The following DLGAP2 variants were observed in gnomAD, a reference collection of about 807,000 sequenced individuals.
The protein encoded by DLGAP2 is disks large-associated protein 2.
A neutral mutation model predicts 100.3 loss-of-function variants in DLGAP2; 26 were observed. That is an observed-to-expected ratio of 0.26 (90% confidence interval 0.19 to 0.36). DLGAP2 has a LOEUF of 0.36. DLGAP2 is among the 10% of genes least tolerant of loss of function. The pLI is 1.00. For synonymous variants in DLGAP2, 886 were observed against 630.1 expected, an observed-to-expected ratio of 1.41 and a Z score of -6.08; for missense variants, 1,858 against 1,453.2, an observed-to-expected ratio of 1.28 and a Z score of -4.53.
rs1301790727 is a variant in DLGAP2, at chr8:1,420,603, T to A, written c.107-80763T>A. Among the ~76,000 whole-genome samples the A allele has an allele frequency of 5.9e-5, 9 of 152,252 alleles. No homozygotes were observed. The South Asian group carries it at 1.9e-3, about 31-fold the overall frequency. ...TATGATCTTCTATGTTGAGCATCAA[T>A]GTCAAAGCCTGTGGGTCAAGGTTTC... On this transcript the variant is annotated intron_variant, in intron 3 of 14. Coordinates refer to ENST00000637795, the MANE Select transcript of DLGAP2 (RefSeq NM_001346810.2).
At chr8:1,025,655 C>T (rs1801776553) in intron 2 of DLGAP2, among the ~76,000 whole-genome samples, 1 of 152,106 alleles carries the variant, frequency 6.6e-6, no homozygotes, top group African/African-American at 2.4e-5. Flanking sequence ...ACTTGCCCAC[C>T]CTCCCCTAGA....
At chr8:786,397 A>G (rs1821867969) in intron 1 of DLGAP2, among the ~76,000 whole-genome samples, 1 of 152,064 alleles carries the variant, frequency 6.6e-6, no homozygotes, top group Admixed American at 6.6e-5. Context: ...GACAGCCACC[A>G]TTTTCGTCGA....
intron 2 of DLGAP2, among the ~76,000 whole-genome samples, chr8:1,011,697 G>T (rs867745795): frequency 1.7e-5 from 2 of 115,360 alleles, no homozygotes; most frequent in Non-Finnish European, 3.7e-5. Context: ...GTGAGCCCTG[G>T]AATGAGGAGT....
intron 2 of DLGAP2, among the ~76,000 whole-genome samples, chr8:1,234,660 C>T (rs1049738535): frequency 1.3e-5 from 2 of 152,122 alleles, no homozygotes; most frequent in East Asian, 3.9e-4. Context: ...TGGAACAGAT[C>T]GAGAACGAGG....
intron 1 of DLGAP2, among the ~76,000 whole-genome samples, chr8:895,383 T>A (rs1798125064): frequency 1.3e-5 from 2 of 152,142 alleles, no homozygotes; most frequent in Admixed American, 6.5e-5. Context: ...ATCTGCAGCA[T>A]CCCCCGTGCT....
At chr8:1,671,732 C>T (rs765056770) in intron 10 of DLGAP2, among the ~76,000 whole-genome samples, 11 of 152,238 alleles carry the variant, frequency 7.2e-5, no homozygotes, top group Non-Finnish European at 1.5e-4. Context: ...CAGAAGCCAG[C>T]GGCAAGTCCC....
rs553479232 is a variant in DLGAP2, at chr8:1,298,912, G to A, written c.106+40029G>A. Reference sequence around the variant, plus strand: ...TGAGGCAGGAACGGGGGGAGAACCCGGGGGGAGAACCTCTTCCCAGGGCCA... The same window carrying A: ...TGAGGCAGGAACGGGGGGAGAACCCAGGGGGAGAACCTCTTCCCAGGGCCA... On this transcript the variant is annotated intron_variant, in intron 3 of 14. Transcript: ENST00000637795. 4.5e-4 allele frequency among the ~76,000 whole-genome samples: 68 copies of A among 152,096 alleles called. No individual in the cohort carries two copies. The South Asian group carries it at 5.6e-3, about 13-fold the overall frequency.
intron 4 of DLGAP2, among the ~76,000 whole-genome samples, chr8:1,530,995 C>G (rs562409795): frequency 2.0e-4 from 30 of 152,266 alleles, no homozygotes; most frequent in African/African-American, 6.7e-4. Context: ...TGGTTAGGTA[C>G]AAAAATTTGT....
intron 2 of DLGAP2, among the ~76,000 whole-genome samples, chr8:1,213,476 A>G (rs568193007): frequency 5.3e-5 from 8 of 152,220 alleles, no homozygotes; most frequent in African/African-American, 1.7e-4. Flanking sequence ...TACTCACCAT[A>G]TTGCTCACAT....
intron 2 of DLGAP2, among the ~76,000 whole-genome samples, chr8:1,217,182 C>G (rs1261335179): frequency 6.6e-6 from 1 of 152,144 alleles, no homozygotes; most frequent in African/African-American, 2.4e-5. Context: ...CAGTGTTTAG[C>G]TCTCAATTAT....
chr8:1,074,416 C>G (rs928268790), intron 2 of DLGAP2, among the ~76,000 whole-genome samples: 1 of 152,238 alleles, frequency 6.6e-6, no homozygotes, highest in Non-Finnish European at 1.5e-5. Flanking sequence ...TTTCAGTTCA[C>G]ATCATGCTCA....
intron 2 of DLGAP2, among the ~76,000 whole-genome samples, chr8:911,131 T>G (rs933707467): frequency 4.6e-5 from 7 of 152,166 alleles, no homozygotes; most frequent in African/African-American, 1.7e-4. Context: ...CAGGTGTTCC[T>G]CCTAGCAACA....
intron 3 of DLGAP2, among the ~76,000 whole-genome samples, chr8:1,351,256 G>C (rs1801716196): frequency 1.0e-5 from 1 of 96,144 alleles, no homozygotes; most frequent in African/African-American, 4.0e-5. Flanking sequence ...GACTGTGTGT[G>C]GAACGGCCGT....
chr8:1,143,738 C>T (rs1161971000), intron 2 of DLGAP2, among the ~76,000 whole-genome samples: 1 of 152,220 alleles, frequency 6.6e-6, no homozygotes, highest in African/African-American at 2.4e-5. Context: ...ACCTTGTTCT[C>T]TGTTCTTTCA....
chr8:742,976 A>G (rs918670290), intron 1 of DLGAP2, among the ~76,000 whole-genome samples: 3 of 152,168 alleles, frequency 2.0e-5, no homozygotes, highest in East Asian at 3.9e-4. Context: ...GACTATTTTT[A>G]TCATGAAAAA....
intron 4 of DLGAP2, among the ~76,000 whole-genome samples, chr8:1,504,533 G>A (rs530158797): frequency 1.4e-4 from 22 of 151,996 alleles, no homozygotes; most frequent in Admixed American, 6.6e-4. Context: ...GCACCCTTCC[G>A]CCAACATCCT....
intron 3 of DLGAP2, among the ~76,000 whole-genome samples, chr8:1,454,270 C>T (rs1798243745): frequency 6.6e-6 from 1 of 152,156 alleles, no homozygotes; most frequent in Admixed American, 6.5e-5. Context: ...GGGAGGTGGC[C>T]GAGTTCCACT....
chr8:1,415,274 C>A (rs1257080368), intron 3 of DLGAP2, among the ~76,000 whole-genome samples: 1 of 152,174 alleles, frequency 6.6e-6, no homozygotes, highest in African/African-American at 2.4e-5. Context: ...TTTCTTATGA[C>A]TTTCTCTAGT....
chr8:1,364,836 G>A (rs1164812028), intron 3 of DLGAP2, among the ~76,000 whole-genome samples: 3 of 152,204 alleles, frequency 2.0e-5, no homozygotes, highest in Admixed American at 6.5e-5. Flanking sequence ...GGCTCCCAGG[G>A]CTTTGCGTTT....
Sources: allele counts gnomAD v4.1 joint callset (sites outside exome capture counted in the v4.1 genomes callset), GRCh38; gene constraint gnomAD v4.1.1; transcripts MANE v1.5; gene names NCBI Gene and HGNC (gene_info 2026-07-23, HGNC 2026-07-21).